Variants in BAZ2B observed in about 807,000 individuals in gnomAD.
BAZ2B encodes the protein bromodomain adjacent to zinc finger domain 2B, also known as bromodomain adjacent to zinc finger domain protein 2B.
A neutral mutation model predicts 246.0 loss-of-function variants in BAZ2B; 91 were observed. The ratio of observed to expected loss-of-function variants is 0.37; its 90% confidence interval spans 0.31 to 0.44. BAZ2B has a LOEUF of 0.44. BAZ2B is among the 20% of genes least tolerant of loss of function. The pLI, the probability that BAZ2B is intolerant of heterozygous loss-of-function variation, is 1.00. For synonymous variants in BAZ2B, 855 were observed against 860.0 expected, an observed-to-expected ratio of 0.99 and a Z score of 0.10; for missense variants, 2,332 against 2,533.7, an observed-to-expected ratio of 0.92 and a Z score of 1.71.
At chr2:159,676,682 G>A in the BAZ2B span, among the ~76,000 whole-genome samples, 1 of 35,076 alleles carries the variant, frequency 2.9e-5, no homozygotes, top group Admixed American at 3.3e-4. Flanking sequence ...CACACACACA[G>A]AGTTGTTTTA....
chr2:159,406,349 C>T (rs1234699961), intron 14 of BAZ2B, among the ~76,000 whole-genome samples: 1 of 152,186 alleles, frequency 6.6e-6, no homozygotes, highest in East Asian at 1.9e-4. Context: ...TGAACAAGCC[C>T]AGCCAAGATA....
At chr2:159,610,691 T>C (rs1285341529) in intron 1 of BAZ2B, among the ~76,000 whole-genome samples, 1 of 152,178 alleles carries the variant, frequency 6.6e-6, no homozygotes, top group Non-Finnish European at 1.5e-5. Flanking sequence ...TTTATTTGAA[T>C]GAAAGGCATT....
chr2:159,627,471 C>A, the BAZ2B span, among the ~76,000 whole-genome samples: 1 of 151,990 alleles, frequency 6.6e-6, no homozygotes, highest in African/African-American at 2.4e-5. Flanking sequence ...TTATCCACCA[C>A]GATCAAGTCA....
chr2:159,689,566 G>T, the BAZ2B span: 1 of 230,658 alleles, frequency 4.3e-6, no homozygotes, highest in Admixed American at 6.1e-5. Context: ...TAGAGATGGG[G>T]TTTCACCATG....
At chr2:159,370,188 G>A (rs2060670462) in intron 27 of BAZ2B, among the ~76,000 whole-genome samples, 1 of 152,100 alleles carries the variant, frequency 6.6e-6, no homozygotes, top group African/African-American at 2.4e-5. Flanking sequence ...TGGGAGAGGG[G>A]AGGGATAGCA....
chr2:159,476,113 T>C (rs1044659530), intron 3 of BAZ2B, among the ~76,000 whole-genome samples: 4 of 152,170 alleles, frequency 2.6e-5, no homozygotes, highest in Admixed American at 2.0e-4. Context: ...TAGGCAGGAA[T>C]GTTTAAGTCT....
the BAZ2B span, among the ~76,000 whole-genome samples, chr2:159,639,141 C>A: frequency 6.6e-6 from 1 of 151,760 alleles, no homozygotes; most frequent in Non-Finnish European, 1.5e-5. Context: ...AAAGCAACAA[C>A]AACAACAACA....
intron 20 of BAZ2B, among the ~76,000 whole-genome samples, chr2:159,389,782 G>A (rs2063109079): frequency 6.6e-6 from 1 of 152,120 alleles, no homozygotes; most frequent in Non-Finnish European, 1.5e-5. Flanking sequence ...AAAGTTATTA[G>A]CACAAATTTT....
At chr2:159,695,394 GGTT>G in the BAZ2B span, 1 of 150,868 alleles carries the variant, frequency 6.6e-6, no homozygotes, top group Non-Finnish European at 1.5e-5. Context: ...AGTTTTCTTT[GGTT>G]GCTTATACTT....
intron 31 of BAZ2B, among the ~76,000 whole-genome samples, chr2:159,338,638 T>C (rs1430950893): frequency 6.6e-6 from 1 of 152,164 alleles, no homozygotes; most frequent in East Asian, 1.9e-4. Flanking sequence ...CTATCCCTTT[T>C]CATGTTCCCA....
At chr2:159,626,398 T>A in the BAZ2B span, among the ~76,000 whole-genome samples, 3 of 152,280 alleles carry the variant, frequency 2.0e-5, no homozygotes. Context: ...ACATCACACT[T>A]ATTCTAAAAT....
Position 159,348,662 on chromosome 2 carries a change from T to C in BAZ2B, c.5293+16A>G. 1 of 1,575,516 alleles carries C rather than the reference T, an allele frequency of 6.3e-7. No individual in the cohort carries two copies. Among genetic ancestry groups the C allele is most frequent in the Middle Eastern group, 1.7e-4 (1 of 5,804 alleles). On this transcript the variant is annotated intron_variant, in intron 30 of 36. Coordinates refer to ENST00000392783, the MANE Select transcript of BAZ2B (RefSeq NM_013450.4). ...CTAAGCAAGAAAGAAAGCTGAAATA[T>C]CTTTTAGGTACACACCATCCTTATT...
chr2:159,550,010 G>GATGGGGTTT (rs2087947558), intron 2 of BAZ2B, among the ~76,000 whole-genome samples: 1 of 151,860 alleles, frequency 6.6e-6, no homozygotes, highest in Admixed American at 6.6e-5. Context: ...TTTTAGTAGA[G>GATGGGGTTT]ATGGGGTTTT....
chr2:159,578,098 A>G (rs547391218), intron 1 of BAZ2B, among the ~76,000 whole-genome samples: 8 of 152,308 alleles, frequency 5.3e-5, no homozygotes, highest in Non-Finnish European at 1.0e-4. Context: ...TCCCTTATAA[A>G]AACTCTAGTG....
intron 2 of BAZ2B, among the ~76,000 whole-genome samples, chr2:159,529,381 C>G (rs569880948): frequency 4.0e-5 from 6 of 151,860 alleles, no homozygotes; most frequent in African/African-American, 1.4e-4. Flanking sequence ...TTGTAACTCT[C>G]TCTCATTGCT....
At chr2:159,337,511 T>G (rs2065881459) in intron 32 of BAZ2B, 56 bp downstream of exon 32, 2 of 1,613,758 alleles carry the variant, frequency 1.2e-6, no homozygotes. Flanking sequence ...ACAGTAACTG[T>G]GCCCACATTA....
intron 3 of BAZ2B, among the ~76,000 whole-genome samples, chr2:159,471,170 A>T (rs770262943): frequency 4.6e-5 from 7 of 152,230 alleles, no homozygotes; most frequent in Non-Finnish European, 1.0e-4. Context: ...AGATGAGGCT[A>T]GAAAGATGAC....
the BAZ2B span, among the ~76,000 whole-genome samples, chr2:159,667,996 T>C: frequency 1.3e-5 from 2 of 152,160 alleles, no homozygotes; most frequent in Non-Finnish European, 2.9e-5. Flanking sequence ...ATGTCAACAA[T>C]CTTAAGTGTT....
At chr2:159,676,729 AAGT>A in the BAZ2B span, among the ~76,000 whole-genome samples, 1 of 150,974 alleles carries the variant, frequency 6.6e-6, no homozygotes, top group Admixed American at 6.6e-5. Flanking sequence ...TAAAGACAGA[AAGT>A]AGATTAGAAG....
Sources: allele counts gnomAD v4.1 joint callset (sites outside exome capture counted in the v4.1 genomes callset), GRCh38; gene constraint gnomAD v4.1.1; transcripts MANE v1.5; gene names NCBI Gene and HGNC (gene_info 2026-07-23, HGNC 2026-07-21).